The following CNGB1 variants were observed in gnomAD, a reference collection of about 807,000 sequenced individuals.
The protein encoded by CNGB1 is cyclic nucleotide-gated channel beta-1.
A neutral mutation model predicts 151.7 loss-of-function variants in CNGB1; 126 were observed. The ratio of observed to expected loss-of-function variants is 0.83; its 90% confidence interval spans 0.72 to 0.96. The LOEUF (loss-of-function observed/expected upper bound fraction) is 0.96, where lower values mean the gene tolerates loss of function less well. Ranked by LOEUF, CNGB1 falls within the 40% of genes least tolerant of loss-of-function variation. The pLI, the probability that CNGB1 is intolerant of heterozygous loss-of-function variation, is 0.00. For synonymous variants in CNGB1, 623 were observed against 635.1 expected, an observed-to-expected ratio of 0.98 and a Z score of 0.29; for missense variants, 1,698 against 1,627.0, an observed-to-expected ratio of 1.04 and a Z score of -0.75.
intron 22 of CNGB1, 55 bp downstream of exon 22, chr16:57,916,074 A>G: frequency 6.4e-7 from 1 of 1,572,502 alleles, no homozygotes; most frequent in Non-Finnish European, 8.8e-7. Context: ...GGGCCCTCTG[A>G]GGCACCCCCT....
chr16:57,968,183 GGATAAAATGAATT>G (rs1188674925), intron 1 of CNGB1, among the ~76,000 whole-genome samples: 1 of 152,096 alleles, frequency 6.6e-6, no homozygotes, highest in Non-Finnish European at 1.5e-5. Flanking sequence ...CTAATTGTGA[GGATAAAATGAATT>G]GATAAGTGTA....
intron 27 of CNGB1, 88 bp downstream of exon 27, chr16:57,903,734 G>A (rs1185304073): frequency 1.3e-5 from 19 of 1,479,548 alleles, no homozygotes; most frequent in Non-Finnish European, 1.6e-5. Context: ...CACAGAGGAC[G>A]AGGGAGGCGC....
At chr16:57,889,512 A>T (rs1412484029) in intron 31 of CNGB1, among the ~76,000 whole-genome samples, 5 of 152,248 alleles carry the variant, frequency 3.3e-5, no homozygotes, top group Admixed American at 2.6e-4. Flanking sequence ...GCTCTGGAAG[A>T]CATCTTGATG....
At chr16:57,895,005 G>A (rs1330720891) in intron 31 of CNGB1, among the ~76,000 whole-genome samples, 1 of 151,984 alleles carries the variant, frequency 6.6e-6, no homozygotes, top group Non-Finnish European at 1.5e-5. Context: ...CAAAAGAACT[G>A]CATCCAGTAC....
At chr16:57,923,239 C>CCACCT in intron 18 of CNGB1, 34 bp downstream of exon 18, 1 of 1,306,318 alleles carries the variant, frequency 7.7e-7, no homozygotes, top group South Asian at 1.2e-5. Context: ...TCCCCGCAGT[C>CCACCT]TTTCAATTTT....
At position 57,957,350 on chromosome 16, in the gene CNGB1, C is replaced by T. The variant is rs1453280409; in HGVS notation, c.865G>A (p.Val289Met). ...GTAATGTGTCACTTACTGGTCTGCACATCACATATCCCAGGGGAGTCAGGC... is the reference window on the plus strand; with the variant it reads ...GTAATGTGTCACTTACTGGTCTGCATATCACATATCCCAGGGGAGTCAGGC... ...QEPDSPGICD[V>M]QTISILPGGQ... is the part of the protein sequence containing the mutation. The change falls in exon 12 of 33, where the codon GTG becomes ATG. Residue 289 changes from valine to methionine, a missense_variant. Val to Met is a conservative substitution (Grantham distance 21). Coordinates refer to ENST00000251102, the MANE Select transcript of CNGB1 (RefSeq NM_001297.5). 3.7e-6 allele frequency: 6 copies of T among 1,613,962 alleles called. No homozygotes were observed. The African/African-American group carries it at 5.3e-5, about 14-fold the overall frequency.
intron 12 of CNGB1, chr16:57,955,226 A>G: frequency 6.5e-7 from 1 of 1,540,104 alleles, no homozygotes; most frequent in South Asian, 1.2e-5. Flanking sequence ...TTCGCTGTTC[A>G]AATAGGGTGG....
At chr16:57,931,272 C>G (rs1961338925) in intron 17 of CNGB1, among the ~76,000 whole-genome samples, 1 of 151,958 alleles carries the variant, frequency 6.6e-6, no homozygotes, top group Admixed American at 6.6e-5. Flanking sequence ...CATGCCTCAG[C>G]CTCCCGAGTA....
intron 17 of CNGB1, among the ~76,000 whole-genome samples, 178 bp downstream of exon 17, chr16:57,931,536 TAA>T (rs1235786820): frequency 6.6e-6 from 1 of 152,160 alleles, no homozygotes; most frequent in African/African-American, 2.4e-5. Context: ...AGAGCTTTTA[TAA>T]GAGACCTAAT....
Position 57,940,256 on chromosome 16 carries a change from C to T in CNGB1, c.1187G>A (p.Arg396Gln), listed in dbSNP as rs370327030. Reference sequence around the variant, plus strand: ...TACCTGATCTGAAGTGCTCTGGGGCCGGGTCCCGTCTTCTTCACTCTGGCC... The same window carrying T: ...TACCTGATCTGAAGTGCTCTGGGGCTGGGTCCCGTCTTCTTCACTCTGGCC... ...GVGQSEEDGT[R>Q]PQSTSDQKLW... The change falls in exon 15 of 33, where the codon CGG (arginine) becomes CAG (glutamine). Residue 396 changes from arginine (R) to glutamine (Q), a missense_variant. Transcript: ENST00000251102. 76 of 1,573,600 alleles carry T rather than the reference C, an allele frequency of 4.8e-5. No individual in the cohort carries two copies. The highest frequency in any genetic ancestry group is 1.3e-4 in the African/African-American group (10 of 74,410).
At chr16:57,967,067 C>T (rs757995791) in intron 2 of CNGB1, 61 bp downstream of exon 2, 89 of 1,612,058 alleles carry the variant, frequency 5.5e-5, no homozygotes, top group Admixed American at 3.8e-4. Context: ...GCAGATGGCC[C>T]AAACTGGGAA....
At chr16:57,928,372 A>C (rs965472277) in intron 17 of CNGB1, among the ~76,000 whole-genome samples, 1 of 152,224 alleles carries the variant, frequency 6.6e-6, no homozygotes, top group African/African-American at 2.4e-5. Flanking sequence ...GGGATTTGTT[A>C]AGTTCATTCC....
chr16:57,936,685 G>A (rs969973247), intron 16 of CNGB1, among the ~76,000 whole-genome samples: 16 of 152,092 alleles, frequency 1.1e-4, no homozygotes, highest in Non-Finnish European at 2.4e-4. Flanking sequence ...CCAGCTACTC[G>A]GGAGGCTGAG....
intron 27 of CNGB1, among the ~76,000 whole-genome samples, chr16:57,903,523 C>A (rs577211073): frequency 6.6e-6 from 1 of 152,218 alleles, no homozygotes; most frequent in Admixed American, 6.5e-5. Context: ...AACACACAAA[C>A]AAACTACACT....
At chr16:57,957,280 C>G (rs1489724870) in intron 12 of CNGB1, 61 bp downstream of exon 12, 1 of 1,532,872 alleles carries the variant, frequency 6.5e-7, no homozygotes, top group East Asian at 2.2e-5. Context: ...ACAGTCAGAC[C>G]CAAGGACACC....
intron 24 of CNGB1, 28 bp downstream of exon 24, chr16:57,912,902 A>G (rs1960768223): frequency 6.2e-7 from 1 of 1,607,452 alleles, no homozygotes; most frequent in Non-Finnish European, 8.5e-7. Context: ...GTGTGTGTGC[A>G]TGCATGCACA....
chr16:57,935,189 C>A (rs1448198190), intron 16 of CNGB1, among the ~76,000 whole-genome samples: 4 of 152,114 alleles, frequency 2.6e-5, no homozygotes. Flanking sequence ...TTCGAGCCTG[C>A]AGCAGGCCCA....
intron 16 of CNGB1, among the ~76,000 whole-genome samples, chr16:57,936,140 T>C (rs1266785437): frequency 6.6e-6 from 1 of 151,956 alleles, no homozygotes; most frequent in Non-Finnish European, 1.5e-5. Flanking sequence ...CATCAGGGAG[T>C]GAGCAGTAGC....
intron 31 of CNGB1, among the ~76,000 whole-genome samples, chr16:57,892,267 A>ATG (rs1567363197): frequency 6.6e-6 from 1 of 151,748 alleles, no homozygotes; most frequent in African/African-American, 2.4e-5. Context: ...TTGGCGTTGC[A>ATG]AGTCCATTTC....
Sources: gnomAD v4.1 joint callset for allele counts (sites outside exome capture counted in the v4.1 genomes callset) on GRCh38, gnomAD v4.1.1 for gene constraint, MANE v1.5 for transcripts, NCBI Gene and HGNC (gene_info 2026-07-23, HGNC 2026-07-21) for gene names.